LINGO1: variants seen among roughly 807,000 people sequenced by gnomAD.
LINGO1 encodes leucine-rich repeat and immunoglobulin-like domain-containing nogo receptor-interacting protein 1.
In LINGO1, 11 loss-of-function variants were observed where a neutral mutation model predicts 37.3. The observed-to-expected ratio is 0.29, with a 90% CI of 0.19 to 0.49. The LOEUF (loss-of-function observed/expected upper bound fraction) is 0.49, where lower values mean the gene tolerates loss of function less well. Ranked by LOEUF, LINGO1 falls within the 20% of genes least tolerant of loss-of-function variation. The pLI is 0.99. For missense variants in LINGO1, 585 were observed against 878.2 expected, an observed-to-expected ratio of 0.67 and a Z score of 4.22; for synonymous variants, 387 against 403.0, an observed-to-expected ratio of 0.96 and a Z score of 0.48.
At chr15:77,649,904 G>A (rs1413902525) in intron 3 of LINGO1, among the ~76,000 whole-genome samples, 1 of 152,148 alleles carries the variant, frequency 6.6e-6, no homozygotes, top group African/African-American at 2.4e-5. Context: ...TCACCCCAGG[G>A]GGTTGGTTAT....
Position 77,615,715 on chromosome 15 carries a change from T to A in LINGO1, c.192A>T (p.Ala64=). 1 of 1,597,888 alleles carries A rather than the reference T, an allele frequency of 6.3e-7. No homozygotes were observed. Among genetic ancestry groups the A allele is most frequent in the African/African-American group, 1.3e-5 (1 of 74,172 alleles). The change falls in exon 2 of 2, where the codon GCA becomes GCT. Residue 64 remains alanine (A), a synonymous_variant. Transcript: ENST00000355300. ...AVLCHRKRFV[A]VPEGIPTETR... ...TCTCGGTGGGGATGCCCTCGGGGACTGCCACAAAGCGCTTGCGGTGGCACA... is the reference window on the plus strand; with the variant it reads ...TCTCGGTGGGGATGCCCTCGGGGACAGCCACAAAGCGCTTGCGGTGGCACA...
At chr15:77,764,931 T>C (rs2076512770) in intron 1 of LINGO1, among the ~76,000 whole-genome samples, 1 of 152,238 alleles carries the variant, frequency 6.6e-6, no homozygotes, top group African/African-American at 2.4e-5. Flanking sequence ...CATGTGGATG[T>C]GCAGATGAAC....
intron 3 of LINGO1, among the ~76,000 whole-genome samples, chr15:77,658,551 C>G (rs1045105659): frequency 6.6e-6 from 1 of 152,222 alleles, no homozygotes; most frequent in Non-Finnish European, 1.5e-5. Context: ...CAAGTAATAA[C>G]AGACTGACAA....
chr15:77,676,520 G>A (rs1295537103), intron 3 of LINGO1, among the ~76,000 whole-genome samples: 1 of 152,218 alleles, frequency 6.6e-6, no homozygotes, highest in Non-Finnish European at 1.5e-5. Context: ...GGATGTCCAG[G>A]AGTGGCGCAG....
At chr15:77,621,575 G>GC (rs1352815468) in intron 1 of LINGO1, among the ~76,000 whole-genome samples, 1 of 151,924 alleles carries the variant, frequency 6.6e-6, no homozygotes, top group African/African-American at 2.4e-5. Flanking sequence ...GCCAGGCCAG[G>GC]GGAGGGGCTG....
chr15:77,776,205 C>A (rs903568872), intron 1 of LINGO1, among the ~76,000 whole-genome samples: 3 of 151,848 alleles, frequency 2.0e-5, no homozygotes, highest in Admixed American at 1.3e-4. Context: ...GTCTTCCCTG[C>A]AGATTCTAAC....
chr15:77,717,255 G>A (rs532752166), intron 2 of LINGO1, among the ~76,000 whole-genome samples: 1 of 150,970 alleles, frequency 6.6e-6, no homozygotes, highest in African/African-American at 2.4e-5. Context: ...TGTTCCACTC[G>A]AAAGCATTAA....
chr15:77,718,355 A>G (rs2076009789), intron 2 of LINGO1, among the ~76,000 whole-genome samples: 1 of 150,986 alleles, frequency 6.6e-6, no homozygotes, highest in South Asian at 2.1e-4. Context: ...TATACAGAGG[A>G]GCATGCCCAC....
At chr15:77,705,047 C>A (rs28577113) in intron 2 of LINGO1, among the ~76,000 whole-genome samples, 11,919 of 152,036 alleles carry the variant, frequency 0.078, 513 homozygotes, top group Middle Eastern at 0.13. Flanking sequence ...TCATATAAGC[C>A]GGCTCATCCC....
chr15:77,787,123 A>C (rs2076779338), upstream of LINGO1: 1 of 152,194 alleles, frequency 6.6e-6, no homozygotes. Flanking sequence ...AAAGGCAGGT[A>C]GACACACCCA....
intron 2 of LINGO1, among the ~76,000 whole-genome samples, chr15:77,709,281 C>T (rs901005507): frequency 2.0e-5 from 3 of 152,170 alleles, no homozygotes; most frequent in Non-Finnish European, 2.9e-5. Context: ...CAGAGGTGTG[C>T]GAGCAAAGCT....
chr15:77,815,003 G>A (rs1300823765), intron 1 of LINGO1, among the ~76,000 whole-genome samples: 2 of 152,204 alleles, frequency 1.3e-5, no homozygotes, highest in South Asian at 2.1e-4. Flanking sequence ...CTGCCTATCC[G>A]GCTGCCCTGG....
intron 1 of LINGO1, chr15:77,784,972 C>G (rs1234073522): frequency 2.0e-5 from 3 of 152,304 alleles, no homozygotes; most frequent in African/African-American, 7.2e-5. Context: ...GGGTCATCAC[C>G]TCTAAAATCC....
chr15:77,682,277 AGTGTGTGTGTGTGTGT>A (rs10581838), intron 2 of LINGO1, among the ~76,000 whole-genome samples: 23 of 139,926 alleles, frequency 1.6e-4, no homozygotes, highest in South Asian at 4.9e-4. Context: ...TAGAGATTAA[AGTGTGTGTGTGTGTGT>A]GTGTGTGTGT....
rs746043474 is a variant in LINGO1, at chr15:77,614,010, G to A, written c.*34C>T. 3.9e-5 allele frequency: 60 copies of A among 1,528,002 alleles called. 1 individual carries two copies. Among genetic ancestry groups the A allele is most frequent in the South Asian group, 3.1e-4 (25 of 81,484 alleles). 94.7% of individuals were successfully genotyped at this position (1,528,002 alleles called of 1,614,324 possible). A position where few individuals can be genotyped will look rare whatever the true frequency, so the allele number is the denominator to read the frequency against. Reference sequence around the variant, plus strand: ...GGCGGCCAGGCCCCTTCCCCTGCCCGGCCGCCCGGGGGTCCCTGCCCCCCG... The same window carrying A: ...GGCGGCCAGGCCCCTTCCCCTGCCCAGCCGCCCGGGGGTCCCTGCCCCCCG... On this transcript the variant is annotated 3_prime_UTR_variant, in exon 2 of 2. Transcript: ENST00000355300.
chr15:77,816,671 C>T (rs1596256879), intron 1 of LINGO1, among the ~76,000 whole-genome samples: 1 of 152,178 alleles, frequency 6.6e-6, no homozygotes, highest in Non-Finnish European at 1.5e-5. Flanking sequence ...GGGTGGGGAG[C>T]CCCTGGCTGG....
At chr15:77,711,037 C>T (rs1362584154) in intron 2 of LINGO1, among the ~76,000 whole-genome samples, 1 of 152,202 alleles carries the variant, frequency 6.6e-6, no homozygotes, top group Non-Finnish European at 1.5e-5. Context: ...TCCCCAGCCC[C>T]CTCTCTGAGC....
At chr15:77,737,644 C>T (rs760989718) in intron 1 of LINGO1, among the ~76,000 whole-genome samples, 1 of 152,156 alleles carries the variant, frequency 6.6e-6, no homozygotes, top group Admixed American at 6.5e-5. Context: ...TTATCAAGGT[C>T]CCCCAGAAAC....
chr15:77,714,838 C>A (rs1422516923), intron 2 of LINGO1, among the ~76,000 whole-genome samples: 2 of 152,366 alleles, frequency 1.3e-5, no homozygotes, highest in East Asian at 3.9e-4. Context: ...ATAACTGATA[C>A]CCAGATGACT....
Sources: gnomAD v4.1 joint callset for allele counts (sites outside exome capture counted in the v4.1 genomes callset) on GRCh38, gnomAD v4.1.1 for gene constraint, MANE v1.5 for transcripts, NCBI Gene and HGNC (gene_info 2026-07-23, HGNC 2026-07-21) for gene names.